Variants in NMNAT1 observed in about 807,000 individuals in gnomAD.
The protein encoded by NMNAT1 is nicotinamide nucleotide adenylyltransferase 1.
A neutral mutation model predicts 16.7 loss-of-function variants in NMNAT1; 11 were observed. The ratio of observed to expected loss-of-function variants is 0.66; its 90% CI spans 0.41 to 1.09. NMNAT1 has a LOEUF of 1.09. NMNAT1 is among the 50% of genes least tolerant of loss of function. The pLI is 0.00. For missense variants in NMNAT1, 280 were observed against 332.3 expected, an observed-to-expected ratio of 0.84 and a Z score of 1.22; for synonymous variants, 110 against 119.8, an observed-to-expected ratio of 0.92 and a Z score of 0.53.
chr1:9,979,877 T>TC (rs1275749351), intron 3 of NMNAT1, among the ~76,000 whole-genome samples: 1 of 151,934 alleles, frequency 6.6e-6, no homozygotes, highest in Non-Finnish European at 1.5e-5. Flanking sequence ...ACTGTAAGCC[T>TC]CCTTTCTCCT....
Position 9,983,195 on chromosome 1 carries a change from A to C in NMNAT1, c.*494A>C, listed in dbSNP as rs937674229. ...TTTTTGAGATGGAGTCTCTACTAAA[A>C]ATACAAAAAATTAGCCAGGCATGGT... On this transcript the variant is annotated 3_prime_UTR_variant, in exon 5 of 5. Coordinates refer to ENST00000377205, the MANE Select transcript of NMNAT1 (RefSeq NM_022787.4). 1 of 152,314 alleles carries C rather than the reference A, an allele frequency of 6.6e-6. No homozygotes were observed. Among genetic ancestry groups the C allele is most frequent in the African/African-American group, 2.4e-5 (1 of 41,300 alleles). 9.4% of individuals were successfully genotyped at this position (152,314 alleles called of 1,614,324 possible). A position where few individuals can be genotyped will look rare whatever the true frequency, so the allele number is the denominator to read the frequency against.
chr1:9,988,810 C>T (rs1642077133), downstream of NMNAT1, among the ~76,000 whole-genome samples: 1 of 147,148 alleles, frequency 6.8e-6, no homozygotes, highest in African/African-American at 2.5e-5. Flanking sequence ...GGATCACAGG[C>T]GTGTGCCACC....
intron 1 of NMNAT1, among the ~76,000 whole-genome samples, chr1:9,964,107 G>T (rs561196820): frequency 1.3e-5 from 2 of 151,846 alleles, no homozygotes; most frequent in East Asian, 3.9e-4. Flanking sequence ...GGCCAGGCTG[G>T]TCTCAAACTC....
At chr1:9,964,156 T>TGCAGGGATTACAG (rs1226619538) in intron 1 of NMNAT1, among the ~76,000 whole-genome samples, 16 of 151,954 alleles carry the variant, frequency 1.1e-4, no homozygotes, top group Admixed American at 3.3e-4. Flanking sequence ...CCTCCCAAAG[T>TGCAGGGATTACAG]GCAGGGATTA....
intron 1 of NMNAT1, among the ~76,000 whole-genome samples, chr1:9,964,295 T>G (rs1411967014): frequency 6.6e-6 from 1 of 151,504 alleles, no homozygotes; most frequent in Non-Finnish European, 1.5e-5. Flanking sequence ...CTTGAAATCC[T>G]GGGCTCAAGC....
intron 2 of NMNAT1, among the ~76,000 whole-genome samples, chr1:9,973,283 A>AT (rs1641730264): frequency 6.6e-6 from 1 of 151,942 alleles, no homozygotes; most frequent in African/African-American, 2.4e-5. Flanking sequence ...CGCCCGGCTA[A>AT]TTTTTTATAT....
intron 1 of NMNAT1, among the ~76,000 whole-genome samples, chr1:9,961,320 T>G (rs1246349174): frequency 6.6e-6 from 1 of 151,906 alleles, no homozygotes; most frequent in Admixed American, 6.6e-5. Flanking sequence ...CTTACCCTTC[T>G]TCCATCTCTC....
At chr1:9,992,899 G>A in the NMNAT1 span, among the ~76,000 whole-genome samples, 1 of 151,382 alleles carries the variant, frequency 6.6e-6, no homozygotes, top group Admixed American at 6.6e-5. Context: ...GCAACAAAGC[G>A]AGACTTGGTC....
chr1:9,967,751 G>A (rs1056164646), intron 1 of NMNAT1, among the ~76,000 whole-genome samples: 1 of 152,050 alleles, frequency 6.6e-6, no homozygotes, highest in Non-Finnish European at 1.5e-5. Flanking sequence ...GGACAGGTTC[G>A]CTTCGAGATT....
rs565330628 is a variant in NMNAT1, at chr1:9,960,154, G to A, written c.-56-11864G>A. On this transcript the variant is annotated intron_variant, in intron 1 of 4. Transcript: ENST00000377205. Reference sequence around the variant, plus strand: ...TGACTTTTTAGCCAGGAGTGATGGCGTGTGCTTGTAGTACTAGCTACTTGG... The same window carrying A: ...TGACTTTTTAGCCAGGAGTGATGGCATGTGCTTGTAGTACTAGCTACTTGG... Among the ~76,000 whole-genome samples, 5 of 152,172 alleles carry A rather than the reference G, an allele frequency of 3.3e-5. No homozygotes were observed. In the South Asian group the frequency reaches 6.2e-4, roughly 19 times the overall value.
intron 1 of NMNAT1, among the ~76,000 whole-genome samples, chr1:9,956,170 CTTT>C (rs113840450): frequency 6.7e-5 from 9 of 133,962 alleles, no homozygotes; most frequent in Non-Finnish European, 8.1e-5. Flanking sequence ...TGTTTCTTTT[CTTT>C]TTTTTTTTTT....
intron 1 of NMNAT1, among the ~76,000 whole-genome samples, chr1:9,945,051 T>C (rs1033100467): frequency 3.3e-5 from 5 of 152,226 alleles, no homozygotes; most frequent in Admixed American, 2.0e-4. Flanking sequence ...CCGGCCAACA[T>C]GGTGAAACCC....
intron 1 of NMNAT1, among the ~76,000 whole-genome samples, chr1:9,957,089 G>A (rs1032769347): frequency 1.3e-5 from 2 of 152,062 alleles, no homozygotes; most frequent in African/African-American, 4.8e-5. Context: ...GAGTTCAATG[G>A]TGGGATATCA....
Position 9,985,099 on chromosome 1 carries a change from G to A in NMNAT1, c.*2398G>A, listed in dbSNP as rs1447406288. The A allele has an allele frequency of 1.3e-5, 2 of 152,008 alleles. No individual in the cohort carries two copies. 9.4% of individuals were successfully genotyped at this position (152,008 alleles called of 1,614,324 possible). ...CGTTTATTTCTGGGTGCCAACGGAG[G>A]CCCATTCCTCTAACATTCTCATAAT... On this transcript the variant is annotated 3_prime_UTR_variant, in exon 5 of 5. Coordinates refer to ENST00000377205, the MANE Select transcript of NMNAT1 (RefSeq NM_022787.4).
chr1:9,960,310 A>C (rs929810500), intron 1 of NMNAT1, among the ~76,000 whole-genome samples: 4 of 150,620 alleles, frequency 2.7e-5, no homozygotes, highest in Non-Finnish European at 5.9e-5. Context: ...CAAAAACAAA[A>C]AAACCCTGGC....
intron 1 of NMNAT1, among the ~76,000 whole-genome samples, chr1:9,966,631 A>G (rs1430920681): frequency 6.6e-6 from 1 of 152,020 alleles, no homozygotes; most frequent in Non-Finnish European, 1.5e-5. Flanking sequence ...AAGTATGTAT[A>G]TATAATTATA....
intron 3 of NMNAT1, among the ~76,000 whole-genome samples, chr1:9,980,615 C>A (rs1428935863): frequency 6.6e-6 from 1 of 151,690 alleles, no homozygotes; most frequent in Non-Finnish European, 1.5e-5. Flanking sequence ...AGCAAGACAC[C>A]ATCTCAAAAT....
At chr1:9,996,108 G>C in the NMNAT1 span, among the ~76,000 whole-genome samples, 1 of 151,928 alleles carries the variant, frequency 6.6e-6, no homozygotes, top group African/African-American at 2.4e-5. Flanking sequence ...TCATGAGATC[G>C]AGACCATCCT....
In NMNAT1 at chr1:9,982,723, C is replaced by T; in HGVS notation, c.*22C>T. On this transcript the variant is annotated 3_prime_UTR_variant, in exon 5 of 5. Coordinates refer to ENST00000377205, the MANE Select transcript of NMNAT1 (RefSeq NM_022787.4). ...ATAGGAATTCTACAGCATGATATTTCAGACTTCCCATTTGGGGATCTGAAA... is the reference window on the plus strand; with the variant it reads ...ATAGGAATTCTACAGCATGATATTTTAGACTTCCCATTTGGGGATCTGAAA... The T allele has an allele frequency of 1.3e-6, 2 of 1,560,600 alleles. No individual in the cohort carries two copies. Among genetic ancestry groups the T allele is most frequent in the East Asian group, 4.5e-5 (2 of 44,384 alleles).
Sources: allele counts gnomAD v4.1 joint callset (sites outside exome capture counted in the v4.1 genomes callset), GRCh38; gene constraint gnomAD v4.1.1; transcripts MANE v1.5; gene names NCBI Gene and HGNC (gene_info 2026-07-23, HGNC 2026-07-21).